SDK1: variants seen among roughly 807,000 people sequenced by gnomAD.
SDK1 encodes sidekick cell adhesion molecule 1, also known as protein sidekick-1.
Under a neutral mutation model 245.5 loss-of-function variants are expected in SDK1, and 157 were observed. The observed-to-expected ratio is 0.64, with a 90% CI of 0.56 to 0.73. The LOEUF is 0.73. SDK1 is among the 30% of genes least tolerant of loss of function. The pLI is 0.00. For synonymous variants in SDK1, 1,647 were observed against 1,278.5 expected, an observed-to-expected ratio of 1.29 and a Z score of -6.15; for missense variants, 3,583 against 3,002.3, an observed-to-expected ratio of 1.19 and a Z score of -4.52.
rs565762112 is a variant in SDK1 at position 3,493,821 on chromosome 7, GTC to G, written c.299-125255_299-125254del. On this transcript the variant is annotated intron_variant, in intron 1 of 44. Transcript: ENST00000404826. ...TGCTATAGTAGACCAGTCTGAATCT[GTC>G]TCTACATGGAATGACCAGATTGAAT... Among the ~76,000 whole-genome samples the G allele has an allele frequency of 2.0e-5, 3 of 152,306 alleles. No individual in the cohort carries two copies. In the South Asian group the frequency reaches 6.2e-4, roughly 32 times the overall value.
intron 1 of SDK1, among the ~76,000 whole-genome samples, chr7:3,573,214 T>A (rs1780173096): frequency 6.6e-6 from 1 of 151,956 alleles, no homozygotes; most frequent in Non-Finnish European, 1.5e-5. Context: ...GAGACTGTGC[T>A]GGGAGGGTGG....
At chr7:4,141,715 C>T (rs546727255) in intron 28 of SDK1, among the ~76,000 whole-genome samples, 23 of 152,298 alleles carry the variant, frequency 1.5e-4, no homozygotes, top group African/African-American at 5.3e-4. Context: ...CTCCAAGCAT[C>T]TTCCACACAG....
At chr7:3,347,157 G>A (rs1185835830) in intron 1 of SDK1, among the ~76,000 whole-genome samples, 3 of 151,622 alleles carry the variant, frequency 2.0e-5, no homozygotes, top group Non-Finnish European at 4.4e-5. Flanking sequence ...GACGTTAGCC[G>A]GTTAAGTGGA....
At chr7:3,941,362 G>A (rs1432788309) in intron 5 of SDK1, among the ~76,000 whole-genome samples, 1 of 151,638 alleles carries the variant, frequency 6.6e-6, no homozygotes, top group Non-Finnish European at 1.5e-5. Flanking sequence ...CCTCCTTGAC[G>A]CCCTTGGCTG....
chr7:3,813,889 T>C (rs1253978737), intron 4 of SDK1, among the ~76,000 whole-genome samples: 15 of 130,206 alleles, frequency 1.2e-4, no homozygotes, highest in South Asian at 1.1e-3. Flanking sequence ...TTCATGTGTT[T>C]TTTGGCTGCA....
At chr7:4,101,657 C>G (rs1782557003) in intron 22 of SDK1, among the ~76,000 whole-genome samples, 2 of 152,136 alleles carry the variant, frequency 1.3e-5, no homozygotes, top group Non-Finnish European at 2.9e-5. Context: ...AGAAATAGAG[C>G]CTTCCACAGG....
intron 4 of SDK1, among the ~76,000 whole-genome samples, chr7:3,679,937 C>T (rs1784048032): frequency 6.6e-6 from 1 of 152,126 alleles, no homozygotes; most frequent in African/African-American, 2.4e-5. Context: ...CCTGTATTGA[C>T]ACAAAAATGC....
At chr7:3,333,744 A>G (rs975192074) in intron 1 of SDK1, among the ~76,000 whole-genome samples, 2 of 152,234 alleles carry the variant, frequency 1.3e-5, no homozygotes, top group Admixed American at 6.5e-5. Context: ...ATTATCGAGG[A>G]CAGACTCTAA....
intron 4 of SDK1, among the ~76,000 whole-genome samples, chr7:3,650,170 C>A (rs1021022315): frequency 1.4e-4 from 21 of 152,184 alleles, no homozygotes; most frequent in African/African-American, 4.6e-4. Context: ...CTGCTTTGGC[C>A]TCCCAGAGCG....
intron 17 of SDK1, among the ~76,000 whole-genome samples, chr7:4,031,145 A>G (rs569429034): frequency 1.3e-5 from 2 of 152,068 alleles, no homozygotes; most frequent in East Asian, 1.9e-4. Context: ...GTCTATATAC[A>G]CATATTTAAG....
intron 1 of SDK1, among the ~76,000 whole-genome samples, chr7:3,414,260 G>C (rs1048318267): frequency 1.3e-5 from 2 of 152,154 alleles, no homozygotes; most frequent in East Asian, 1.9e-4. Context: ...AAATTTGAAG[G>C]GTCCTAGGGC....
At chr7:3,753,483 G>C (rs1779831822) in intron 4 of SDK1, among the ~76,000 whole-genome samples, 1 of 152,170 alleles carries the variant, frequency 6.6e-6, no homozygotes, top group African/African-American at 2.4e-5. Context: ...CAAGGCAGTA[G>C]CCCATTGCAA....
intron 1 of SDK1, among the ~76,000 whole-genome samples, chr7:3,343,270 A>T (rs1257131585): frequency 1.3e-5 from 2 of 152,242 alleles, no homozygotes; most frequent in Admixed American, 1.3e-4. Context: ...GAAACAGCCC[A>T]GATGTCCTTC....
At chr7:3,461,028 C>T (rs1265649287) in intron 1 of SDK1, among the ~76,000 whole-genome samples, 2 of 152,178 alleles carry the variant, frequency 1.3e-5, no homozygotes, top group East Asian at 1.9e-4. Flanking sequence ...CTAATATATA[C>T]AGATTTAACG....
At chr7:3,504,359 A>G (rs185760372) in intron 1 of SDK1, among the ~76,000 whole-genome samples, 18 of 152,168 alleles carry the variant, frequency 1.2e-4, no homozygotes, top group Admixed American at 9.2e-4. Flanking sequence ...ATGGCCAAAC[A>G]GTATTGAAAA....
chr7:3,485,518 G>C (rs2128603429), intron 1 of SDK1, among the ~76,000 whole-genome samples: 1 of 152,052 alleles, frequency 6.6e-6, no homozygotes, highest in South Asian at 2.1e-4. Context: ...CCAGGGTGTA[G>C]GTAATGTGAG....
chr7:3,614,490 C>T (rs1008753502), intron 1 of SDK1, among the ~76,000 whole-genome samples: 1 of 152,194 alleles, frequency 6.6e-6, no homozygotes, highest in African/African-American at 2.4e-5. Context: ...AGAGGCAACT[C>T]AATCATTTTC....
intron 4 of SDK1, among the ~76,000 whole-genome samples, chr7:3,720,231 G>A (rs993412573): frequency 3.9e-5 from 6 of 152,200 alleles, no homozygotes; most frequent in Middle Eastern, 3.4e-3. Flanking sequence ...ACTCCAGCCT[G>A]GGCGACAGAG....
chr7:3,969,152 G>A, intron 10 of SDK1, 105 bp from the exon 11 acceptor site: 3 of 1,040,018 alleles, frequency 2.9e-6, no homozygotes, highest in Non-Finnish European at 2.7e-6. Flanking sequence ...ACTTGGGTGG[G>A]GACACGGAGC....
Sources: gnomAD v4.1 joint callset for allele counts (sites outside exome capture counted in the v4.1 genomes callset) on GRCh38, gnomAD v4.1.1 for gene constraint, MANE v1.5 for transcripts, NCBI Gene and HGNC (gene_info 2026-07-23, HGNC 2026-07-21) for gene names.